CFAP54: variants seen among roughly 807,000 people sequenced by gnomAD.
CFAP54 encodes the protein cilia- and flagella-associated protein 54.
In CFAP54, 290 loss-of-function variants were observed where a neutral mutation model predicts 370.4. The ratio of observed to expected loss-of-function variants is 0.78; its 90% confidence interval spans 0.71 to 0.86. CFAP54 has a LOEUF of 0.86. CFAP54 is among the 40% of genes least tolerant of loss of function. The pLI is 0.00. For synonymous variants in CFAP54, 1,206 were observed against 1,236.5 expected (o/e 0.98, Z 0.52); for missense variants, 3,399 against 3,528.7 (o/e 0.96, Z 0.93).
At chr12:96,658,831 C>G (rs1287442554) in intron 38 of CFAP54, among the ~76,000 whole-genome samples, 2 of 152,160 alleles carry the variant, frequency 1.3e-5, no homozygotes, top group African/African-American at 4.8e-5. Flanking sequence ...ATATATCTAA[C>G]TGCCTGTATC....
At chr12:96,690,559 A>G (rs1302302896) in intron 43 of CFAP54, among the ~76,000 whole-genome samples, 1 of 152,130 alleles carries the variant, frequency 6.6e-6, no homozygotes, top group Non-Finnish European at 1.5e-5. Flanking sequence ...GTTTGGAATT[A>G]CCTCTGCCTG....
intron 19 of CFAP54, among the ~76,000 whole-genome samples, chr12:96,570,464 G>A (rs1955905538): frequency 6.6e-6 from 1 of 151,924 alleles, no homozygotes; most frequent in Non-Finnish European, 1.5e-5. Flanking sequence ...AGTGATTTAA[G>A]GGTATTGCAT....
chr12:96,872,404 G>A (rs1190299781), intron 67 of CFAP54, among the ~76,000 whole-genome samples: 2 of 152,148 alleles, frequency 1.3e-5, no homozygotes, highest in Non-Finnish European at 2.9e-5. Context: ...TTTGAAAACA[G>A]AGATTGTTCT....
Position 96,538,529 on chromosome 12 carries a change from C to T in CFAP54, c.1926+11C>T, listed in dbSNP as rs1013160126. ...ATCAGTACTAACAAAGTATTCCTTT[C>T]GCATTCCCTTTCACGTGTTTTTTTT... On this transcript the variant is annotated intron_variant, in intron 13 of 67. Coordinates refer to ENST00000524981, the MANE Select transcript of CFAP54 (RefSeq NM_001306084.2). 18 of 1,533,444 alleles carry T rather than the reference C, an allele frequency of 1.2e-5. No homozygotes were observed. Among genetic ancestry groups the T allele is most frequent in the Admixed American group, 7.9e-5 (4 of 50,736 alleles). 95.0% of individuals were successfully genotyped at this position (1,533,444 alleles called of 1,614,324 possible).
intron 9 of CFAP54, among the ~76,000 whole-genome samples, chr12:96,530,648 G>C (rs900984985): frequency 6.6e-6 from 1 of 152,314 alleles, no homozygotes; most frequent in Non-Finnish European, 1.5e-5. Context: ...TTGAGTACAA[G>C]TTTTTGTGTG....
At chr12:96,871,153 A>C (rs1418924969) in intron 67 of CFAP54, among the ~76,000 whole-genome samples, 2 of 152,226 alleles carry the variant, frequency 1.3e-5, no homozygotes, top group Non-Finnish European at 2.9e-5. Flanking sequence ...CCAACAACAC[A>C]TGGACATGAT....
chr12:96,703,859 C>T (rs1033008555), intron 46 of CFAP54, among the ~76,000 whole-genome samples: 2 of 151,950 alleles, frequency 1.3e-5, no homozygotes, highest in African/African-American at 4.8e-5. Context: ...TATCTTTTGA[C>T]CCAGAAATTC....
intron 36 of CFAP54, among the ~76,000 whole-genome samples, chr12:96,654,755 T>C (rs1956903160): frequency 6.6e-6 from 1 of 152,016 alleles, no homozygotes; most frequent in African/African-American, 2.4e-5. Flanking sequence ...AACCTCCATA[T>C]GTTCACATTT....
chr12:96,589,610 A>C lies in CFAP54; in HGVS notation c.3212+47A>C, dbSNP rs183187236. The C allele has an allele frequency of 7.4e-5, 89 of 1,196,130 alleles. No individual in the cohort carries two copies. In the East Asian group the frequency reaches 2.3e-3, roughly 30 times the overall value. 74.1% of individuals were successfully genotyped at this position (1,196,130 alleles called of 1,614,324 possible). A position where few individuals can be genotyped will look rare whatever the true frequency, so the allele number is the denominator to read the frequency against. ...AAATATTAATTTGCTTATTGAAAAT[A>C]TAGATGCTGGATGCGAAGCCTGGAA... On this transcript the variant is annotated intron_variant, in intron 23 of 67. Transcript: ENST00000524981.
At chr12:96,852,259 A>C (rs976844403) in intron 66 of CFAP54, among the ~76,000 whole-genome samples, 13 of 152,074 alleles carry the variant, frequency 8.5e-5, no homozygotes, top group African/African-American at 3.1e-4. Context: ...AGTATAGATA[A>C]ATAGAGTTAG....
intron 50 of CFAP54, among the ~76,000 whole-genome samples, chr12:96,732,235 C>T (rs7973090): frequency 0.37 from 55,800 of 151,808 alleles, 11,206 homozygotes; most frequent in East Asian, 0.58. Context: ...AAATGATTCT[C>T]CTGTCTCAGC....
Position 96,625,798 on chromosome 12 carries a change from G to A in CFAP54, c.3967G>A (p.Val1323Met), listed in dbSNP as rs1192876883. ...VVLNWSVKGA[V>M]KEVMKFKQKP... ...TTTGAATTGGTCGGTCAAAGGTGCCGTGAAAGAAGGTAGGTGAACTGGATG... is the reference window on the plus strand; with the variant it reads ...TTTGAATTGGTCGGTCAAAGGTGCCATGAAAGAAGGTAGGTGAACTGGATG... The change falls in exon 29 of 68, where the codon GTG (valine) becomes ATG (methionine). Residue 1323 changes from valine to methionine, a missense_variant. By Grantham distance (21) the Val-to-Met change is conservative. Transcript: ENST00000524981. 2.5e-5 allele frequency: 38 copies of A among 1,533,916 alleles called. No homozygotes were observed. Among genetic ancestry groups the A allele is most frequent in the East Asian group, 2.4e-4 (10 of 40,874 alleles).
At chr12:96,826,201 G>A (rs1159016373) in intron 65 of CFAP54, among the ~76,000 whole-genome samples, 2 of 145,256 alleles carry the variant, frequency 1.4e-5, no homozygotes, top group Admixed American at 7.2e-5. Flanking sequence ...TTATATCTAA[G>A]TTTAAACAAA....
At chr12:96,708,496 A>G (rs1391399605) in intron 47 of CFAP54, 112 bp from the exon 48 acceptor site, 1 of 834,160 alleles carries the variant, frequency 1.2e-6, no homozygotes, top group Non-Finnish European at 1.9e-6. Flanking sequence ...CCCCATGCCC[A>G]GCCCTATATC....
At chr12:96,689,126 G>A in intron 43 of CFAP54, 144 bp downstream of exon 43, 5 of 515,044 alleles carry the variant, frequency 9.7e-6, no homozygotes, top group Non-Finnish European at 1.7e-5. Context: ...TCTTTCTCTT[G>A]CTGGCTGAAC....
At chr12:96,757,871 G>C (rs1295637197) in intron 58 of CFAP54, among the ~76,000 whole-genome samples, 1 of 152,116 alleles carries the variant, frequency 6.6e-6, no homozygotes, top group East Asian at 1.9e-4. Context: ...TAAATATACA[G>C]TTATGTTTCA....
At chr12:96,840,167 T>G (rs952517165) in intron 66 of CFAP54, among the ~76,000 whole-genome samples, 8 of 152,240 alleles carry the variant, frequency 5.3e-5, no homozygotes, top group African/African-American at 1.9e-4. Flanking sequence ...ACTAGGTATT[T>G]TCCTCCTCTG....
At chr12:96,733,542 GTTTTT>G (rs35984233) in intron 50 of CFAP54, among the ~76,000 whole-genome samples, 2 of 139,064 alleles carry the variant, frequency 1.4e-5, no homozygotes, top group Middle Eastern at 3.7e-3. Flanking sequence ...AATCCTGTGG[GTTTTT>G]TTTTTTTTTT....
chr12:96,753,786 G>A lies in CFAP54; in HGVS notation c.7728G>A (p.Lys2576=), dbSNP rs752116523. Residue 2576 remains lysine, a synonymous_variant, in exon 56 of 68, where the codon AAG becomes AAA. Coordinates refer to ENST00000524981, the MANE Select transcript of CFAP54 (RefSeq NM_001306084.2). The part of the protein sequence containing the change: ...AKQVYYKNKR[K]DPSKWLPALH... ...AAGTATATTACAAGAATAAAAGGAA[G>A]GACCCCTCGAAGTGGTTACCTGCTC... 6.2e-7 allele frequency: 1 copy of A among 1,613,902 alleles called. No homozygotes were observed. Among genetic ancestry groups the A allele is most frequent in the Non-Finnish European group, 8.5e-7 (1 of 1,179,900 alleles).
Sources: gnomAD v4.1 joint callset for allele counts (sites outside exome capture counted in the v4.1 genomes callset) on GRCh38, gnomAD v4.1.1 for gene constraint, MANE v1.5 for transcripts, NCBI Gene and HGNC (gene_info 2026-07-23, HGNC 2026-07-21) for gene names.